The following NEGR1 variants were observed in gnomAD, a reference collection of about 807,000 sequenced individuals.
The protein encoded by NEGR1 is neuronal growth regulator 1.
A neutral mutation model predicts 40.9 loss-of-function variants in NEGR1; 10 were observed. The ratio of observed to expected loss-of-function variants is 0.24; its 90% CI spans 0.15 to 0.42. The LOEUF (loss-of-function observed/expected upper bound fraction) is 0.42, where lower values mean the gene tolerates loss of function less well. NEGR1 is among the 10% of genes least tolerant of loss of function. The pLI is 1.00. For synonymous variants in NEGR1, 185 were observed against 166.8 expected, an observed-to-expected ratio of 1.11 and a Z score of -0.84; for missense variants, 352 against 438.9, an observed-to-expected ratio of 0.80 and a Z score of 1.77.
At chr1:72,196,843 A>G (rs1236408290) in intron 1 of NEGR1, among the ~76,000 whole-genome samples, 1 of 151,942 alleles carries the variant, frequency 6.6e-6, no homozygotes, top group Non-Finnish European at 1.5e-5. Flanking sequence ...AATTGAGATA[A>G]TAAGGCATAG....
At position 71,955,662 on chromosome 1, in the gene NEGR1, A is replaced by G. The variant is rs1324009415; in HGVS notation, c.177-20351T>C. Among the ~76,000 whole-genome samples the G allele has an allele frequency of 2.0e-5, 3 of 152,118 alleles. No individual in the cohort carries two copies. In the East Asian group the frequency reaches 5.8e-4, roughly 29 times the overall value. On this transcript the variant is annotated intron_variant, in intron 1 of 6. Transcript: ENST00000357731. The stretch of plus-strand genomic sequence containing the variant: ...AAATTTTACTAGTTTTATACTTTGT[A>G]TTTTTGCATTTCCTTTTCCCAAAAG...
chr1:72,063,410 G>A (rs775510144), intron 1 of NEGR1, among the ~76,000 whole-genome samples: 66 of 151,826 alleles, frequency 4.3e-4, no homozygotes, highest in African/African-American at 8.2e-4. Flanking sequence ...TATGTACGGC[G>A]TAATGGAAAT....
chr1:71,450,847 A>T (rs929867423), intron 6 of NEGR1, among the ~76,000 whole-genome samples: 1 of 152,024 alleles, frequency 6.6e-6, no homozygotes, highest in Non-Finnish European at 1.5e-5. Context: ...CAAGAAAATA[A>T]GGGTAACTTT....
chr1:72,110,224 A>ATT, intron 1 of NEGR1, among the ~76,000 whole-genome samples: 1 of 142,580 alleles, frequency 7.0e-6, no homozygotes. Context: ...AGTATAATAA[A>ATT]AAAAAAAAAA....
At chr1:72,226,782 T>A (rs1654205203) in intron 1 of NEGR1, among the ~76,000 whole-genome samples, 1 of 152,078 alleles carries the variant, frequency 6.6e-6, no homozygotes, top group African/African-American at 2.4e-5. Flanking sequence ...TATACGTATA[T>A]TTACTTTTAT....
At chr1:71,789,931 C>A (rs1657049006) in intron 2 of NEGR1, among the ~76,000 whole-genome samples, 1 of 152,068 alleles carries the variant, frequency 6.6e-6, no homozygotes, top group Admixed American at 6.6e-5. Context: ...TCATTAAAAC[C>A]TTTTATTCAC....
chr1:71,557,716 A>T (rs567118856), intron 6 of NEGR1, among the ~76,000 whole-genome samples: 2 of 151,692 alleles, frequency 1.3e-5, no homozygotes, highest in African/African-American at 4.8e-5. Flanking sequence ...ATCAAATATC[A>T]ATTATGAATT....
intron 6 of NEGR1, among the ~76,000 whole-genome samples, chr1:71,533,122 CA>C (rs1647408103): frequency 6.6e-6 from 1 of 151,496 alleles, no homozygotes; most frequent in Non-Finnish European, 1.5e-5. Context: ...GGCCATCTTT[CA>C]TTCTGAGGCA....
intron 6 of NEGR1, among the ~76,000 whole-genome samples, chr1:71,432,414 C>G (rs1646475853): frequency 6.6e-6 from 1 of 152,078 alleles, no homozygotes; most frequent in South Asian, 2.1e-4. Flanking sequence ...ACTCATGTAA[C>G]AACTGAAGGA....
chr1:71,772,363 C>A (rs879602495), intron 3 of NEGR1, among the ~76,000 whole-genome samples: 1 of 151,766 alleles, frequency 6.6e-6, no homozygotes, highest in Non-Finnish European at 1.5e-5. Context: ...AAGATCACAC[C>A]ACTGCACTCT....
chr1:72,144,553 A>G (rs1650838527), intron 1 of NEGR1, among the ~76,000 whole-genome samples: 1 of 151,048 alleles, frequency 6.6e-6, no homozygotes. Context: ...AGAGAGACAT[A>G]TATTTTACGT....
At chr1:71,851,057 C>T (rs1448710407) in intron 2 of NEGR1, among the ~76,000 whole-genome samples, 1 of 152,128 alleles carries the variant, frequency 6.6e-6, no homozygotes, top group Non-Finnish European at 1.5e-5. Flanking sequence ...TTTGAAAGTG[C>T]TGAGTTGGGC....
intron 6 of NEGR1, among the ~76,000 whole-genome samples, chr1:71,563,028 C>T (rs1192124163): frequency 6.6e-6 from 1 of 151,904 alleles, no homozygotes; most frequent in African/African-American, 2.4e-5. Flanking sequence ...AGGAAGAAGG[C>T]CTTGCACATT....
intron 2 of NEGR1, among the ~76,000 whole-genome samples, chr1:71,932,305 T>G (rs550101863): frequency 2.3e-4 from 35 of 152,100 alleles, no homozygotes; most frequent in Non-Finnish European, 4.1e-4. Flanking sequence ...TTTGTTTTTT[T>G]TTGTTGTTGT....
intron 6 of NEGR1, among the ~76,000 whole-genome samples, chr1:71,576,364 AAAAC>A (rs1648967975): frequency 2.0e-5 from 3 of 152,206 alleles, no homozygotes; most frequent in South Asian, 2.1e-4. Context: ...AGAAAAAACA[AAAAC>A]AAACAAACAA....
intron 3 of NEGR1, among the ~76,000 whole-genome samples, chr1:71,746,689 T>A (rs533764925): frequency 6.6e-6 from 1 of 151,826 alleles, no homozygotes; most frequent in East Asian, 1.9e-4. Context: ...GTCTCCTTAC[T>A]TGAAAAGAAT....
At chr1:72,276,108 AG>A (rs1318391299) in intron 1 of NEGR1, among the ~76,000 whole-genome samples, 4 of 152,070 alleles carry the variant, frequency 2.6e-5, no homozygotes, top group Non-Finnish European at 5.9e-5. Flanking sequence ...GAAAAAGAAA[AG>A]AAAAGAAAAG....
chr1:72,017,027 T>C (rs1008775991), intron 1 of NEGR1, among the ~76,000 whole-genome samples: 8 of 152,172 alleles, frequency 5.3e-5, no homozygotes, highest in African/African-American at 1.9e-4. Flanking sequence ...ACTGTATAAT[T>C]TGATAAAATA....
intron 1 of NEGR1, among the ~76,000 whole-genome samples, chr1:72,044,912 A>G (rs530485706): frequency 2.1e-4 from 32 of 151,980 alleles, no homozygotes; most frequent in Admixed American, 1.3e-3. Flanking sequence ...ACTTCATAAT[A>G]ATACATATCC....
Sources: allele counts gnomAD v4.1 joint callset (sites outside exome capture counted in the v4.1 genomes callset), GRCh38; gene constraint gnomAD v4.1.1; transcripts MANE v1.5; gene names NCBI Gene and HGNC (gene_info 2026-07-23, HGNC 2026-07-21).